RPS10: variants seen among roughly 807,000 people sequenced by gnomAD.
RPS10 encodes small ribosomal subunit protein eS10.
Under a neutral mutation model 22.6 loss-of-function variants are expected in RPS10, and 2 were observed. The ratio of observed to expected loss-of-function variants is 0.09; its 90% confidence interval spans 0.04 to 0.28. The LOEUF (loss-of-function observed/expected upper bound fraction) is 0.28, where lower values mean the gene tolerates loss of function less well. Ranked by LOEUF, RPS10 falls within the 10% of genes least tolerant of loss-of-function variation. The pLI is 1.00. For synonymous variants in RPS10, 70 were observed against 75.9 expected, an observed-to-expected ratio of 0.92 and a Z score of 0.40; for missense variants, 137 against 222.2, an observed-to-expected ratio of 0.62 and a Z score of 2.44.
Position 34,421,777 on chromosome 6 carries a change from G to T in RPS10, c.353C>A (p.Thr118Lys). ...GLEGERPARLTRGEADRDTYR... is the reference protein window; with the variant it reads ...GLEGERPARLKRGEADRDTYR... ...GGTATCTCTGTCAGCTTCCCCTCTT[G>T]TGAGTCTCGCAGGTCGCTCACCCTC... Residue 118 changes from threonine (T) to lysine (K), a missense_variant, in exon 4 of 6, where the codon ACA becomes AAA. By Grantham distance (78) the Thr-to-Lys change is moderately conservative. Transcript: ENST00000648437. 5.6e-6 allele frequency: 9 copies of T among 1,613,892 alleles called. No homozygotes were observed. Among genetic ancestry groups the T allele is most frequent in the Non-Finnish European group, 6.8e-6 (8 of 1,179,870 alleles).
chr6:34,423,177 CTTTT>C (rs199709103), intron 3 of RPS10, among the ~76,000 whole-genome samples: 5 of 146,336 alleles, frequency 3.4e-5, no homozygotes, highest in African/African-American at 1.3e-4. Flanking sequence ...ACTATGTCTC[CTTTT>C]TTTTTTTTTG....
In RPS10 at chr6:34,417,464, T is replaced by G; in HGVS notation, c.*42A>C. On this transcript the variant is annotated 3_prime_UTR_variant, in exon 6 of 6. Transcript: ENST00000648437. ...AAAATGGACAAAAGATTAAGGTTTTTTGGCTGTAAGTTTATTCAATGCAAA... is the reference window on the plus strand; with the variant it reads ...AAAATGGACAAAAGATTAAGGTTTTGTGGCTGTAAGTTTATTCAATGCAAA... 1.3e-6 allele frequency: 2 copies of G among 1,570,628 alleles called. No homozygotes were observed. Among genetic ancestry groups the G allele is most frequent in the South Asian group, 1.1e-5 (1 of 89,924 alleles).
chr6:34,424,651 T>C lies in RPS10; in HGVS notation c.322+18A>G. 1.2e-6 allele frequency: 2 copies of C among 1,613,966 alleles called. No individual in the cohort carries two copies. Among genetic ancestry groups the C allele is most frequent in the South Asian group, 2.2e-5 (2 of 91,060 alleles). On this transcript the variant is annotated intron_variant, in intron 3 of 5. Transcript: ENST00000648437. ...AACTATCTTCAAATAGCTGAAGGGA[T>C]TTGTGTGGGAACCATACCTTTAGGC... is the stretch of plus-strand genomic sequence containing the variant.
intron 5 of RPS10, chr6:34,417,781 A>T: frequency 1.4e-6 from 1 of 718,594 alleles, no homozygotes. Context: ...ACCCACCCAG[A>T]GTGTGTTCAT....
At chr6:34,423,150 A>G (rs943926418) in intron 3 of RPS10, among the ~76,000 whole-genome samples, 3 of 152,202 alleles carry the variant, frequency 2.0e-5, no homozygotes, top group East Asian at 3.9e-4. Context: ...CCCGGAGTCC[A>G]TATGATTAGA....
intron 3 of RPS10, chr6:34,424,361 G>C (rs114388706): frequency 5.5e-6 from 2 of 364,096 alleles, no homozygotes; most frequent in South Asian, 2.7e-5. Flanking sequence ...TGGACTTCTC[G>C]GGAATAGTAC....
At chr6:34,418,477 A>G in intron 4 of RPS10, 53 bp from the exon 5 acceptor site, 2 of 1,613,404 alleles carry the variant, frequency 1.2e-6, no homozygotes, top group Non-Finnish European at 1.7e-6. Flanking sequence ...TCTACTATAG[A>G]ACAAGGGAAG....
intron 1 of RPS10, 197 bp from the exon 2 acceptor site, chr6:34,425,418 T>G (rs1224564220): frequency 3.1e-6 from 2 of 653,322 alleles, no homozygotes; most frequent in Non-Finnish European, 2.7e-6. Flanking sequence ...GTGGAAAAGT[T>G]GACAGTATGT....
At chr6:34,424,163 A>AAAAAAAAAAAAAAAAC (rs1561939868) in intron 3 of RPS10, 2 of 150,930 alleles carry the variant, frequency 1.3e-5, no homozygotes, top group East Asian at 1.9e-4. Flanking sequence ...AAAAAAAAAA[A>AAAAAAAAAAAAAAAAC]AGCAACTGTG....
intron 4 of RPS10, among the ~76,000 whole-genome samples, chr6:34,419,168 G>A (rs927756334): frequency 1.3e-5 from 2 of 151,994 alleles, no homozygotes; most frequent in Non-Finnish European, 1.5e-5. Context: ...ACAGGCATGC[G>A]CCACCATGCA....
chr6:34,424,898 A>C, intron 2 of RPS10, 58 bp from the exon 3 acceptor site: 1 of 1,612,056 alleles, frequency 6.2e-7, no homozygotes, highest in Non-Finnish European at 8.5e-7. Flanking sequence ...CATCCTAGGC[A>C]AGTCTCCAGT....
intron 3 of RPS10, chr6:34,424,407 TACC>T: frequency 2.0e-6 from 1 of 491,862 alleles, no homozygotes; most frequent in Middle Eastern, 5.8e-4. Context: ...CAATATTCTA[TACC>T]ACATGTATCT....
At chr6:34,420,388 A>G (rs73403996) in intron 4 of RPS10, among the ~76,000 whole-genome samples, 11,573 of 151,920 alleles carry the variant, frequency 0.076, 889 homozygotes, top group African/African-American at 0.2. Context: ...ATGCCCAGCT[A>G]ATTTTTTAAA....
chr6:34,424,954 C>A (rs1765903612), intron 2 of RPS10, 114 bp from the exon 3 acceptor site: 1 of 1,608,006 alleles, frequency 6.2e-7, no homozygotes, highest in Non-Finnish European at 8.5e-7. Flanking sequence ...CAGTCCTGAC[C>A]TCCCTTTTTG....
chr6:34,425,480 C>A, intron 1 of RPS10: 2 of 462,006 alleles, frequency 4.3e-6, no homozygotes, highest in Non-Finnish European at 8.1e-6. Context: ...AAGTTCTCAT[C>A]AATTACAAAG....
At chr6:34,417,658 A>G in intron 5 of RPS10, 111 bp from the exon 6 acceptor site, 1 of 1,001,520 alleles carries the variant, frequency 1.0e-6, no homozygotes, top group Non-Finnish European at 1.6e-6. Context: ...AAATGTAAAC[A>G]GCTGGGAGAG....
At chr6:34,419,097 C>T (rs954547260) in intron 4 of RPS10, among the ~76,000 whole-genome samples, 4 of 152,174 alleles carry the variant, frequency 2.6e-5, no homozygotes, top group African/African-American at 9.7e-5. Context: ...CGGCTCACTG[C>T]AACCTCCGCC....
At position 34,420,327 on chromosome 6, in the gene RPS10, C is replaced by T. The variant is rs146519491; in HGVS notation, c.400+1403G>A. Among the ~76,000 whole-genome samples the T allele has an allele frequency of 7.5e-3, 1,135 of 152,132 alleles. 15 individuals are homozygous for T. The highest frequency in any genetic ancestry group is 0.024 in the Middle Eastern group (7 of 292). ...GCCTCCCAGGTTCAAGCAATTCTCC[C>T]GCCTCAGCCTCCCGAGTAGCTGAGA... On this transcript the variant is annotated intron_variant, in intron 4 of 5. Transcript: ENST00000648437.
At chr6:34,419,179 T>C (rs915036191) in intron 4 of RPS10, among the ~76,000 whole-genome samples, 2 of 151,628 alleles carry the variant, frequency 1.3e-5, no homozygotes, top group Admixed American at 6.6e-5. Flanking sequence ...CCACCATGCA[T>C]GGCTAATTTT....
Sources: allele counts gnomAD v4.1 joint callset (sites outside exome capture counted in the v4.1 genomes callset), GRCh38; gene constraint gnomAD v4.1.1; transcripts MANE v1.5; gene names NCBI Gene and HGNC (gene_info 2026-07-23, HGNC 2026-07-21).